The following PCDHA2 variants were observed in gnomAD, a reference collection of about 807,000 sequenced individuals.
The protein encoded by PCDHA2 is protocadherin alpha 2.
In PCDHA2, 58 loss-of-function variants were observed where a neutral mutation model predicts 66.0. The ratio of observed to expected loss-of-function variants is 0.88; its 90% CI spans 0.71 to 1.09. The LOEUF (loss-of-function observed/expected upper bound fraction) is 1.09. PCDHA2 is among the 50% of genes least tolerant of loss of function. The pLI is 0.00. For missense variants in PCDHA2, 1,267 were observed against 1,242.3 expected (o/e 1.02, Z -0.30); for synonymous variants, 634 against 554.0 (o/e 1.14, Z -2.03).
In PCDHA2 at chr5:140,843,032, G is replaced by A. The variant is rs2150350640; in HGVS notation, c.2388+45680G>A. The stretch of plus-strand genomic sequence containing the variant: ...GCCGGCACTGCTGGAGCCTCGGGTG[G>A]GTGGCACTGGTGGCGCAGCGAGCAA... On this transcript the variant is annotated intron_variant, in intron 1 of 3. Coordinates refer to ENST00000526136, the MANE Select transcript of PCDHA2 (RefSeq NM_018905.3). 13 of 1,595,002 alleles carry A rather than the reference G, an allele frequency of 8.2e-6. 1 individual carries two copies. In the South Asian group the frequency reaches 1.1e-4, roughly 14 times the overall value.
chr5:140,926,903 G>C (rs369906778), intron 1 of PCDHA2: 13 of 1,557,942 alleles, frequency 8.3e-6, no homozygotes, highest in African/African-American at 1.4e-5. Flanking sequence ...ATGGTGGGCT[G>C]TGGGGTGGCA....
chr5:140,874,469 G>C (rs2054929448), intron 1 of PCDHA2, among the ~76,000 whole-genome samples: 1 of 152,212 alleles, frequency 6.6e-6, no homozygotes, highest in Non-Finnish European at 1.5e-5. Flanking sequence ...GGAAGATTTA[G>C]AGAAAAAGCA....
intron 1 of PCDHA2, among the ~76,000 whole-genome samples, chr5:140,902,916 A>G (rs940228069): frequency 2.0e-5 from 3 of 152,174 alleles, no homozygotes; most frequent in African/African-American, 4.8e-5. Context: ...GCTGAGTAGT[A>G]TTGCATGGTG....
At chr5:140,871,062 C>CT in intron 1 of PCDHA2, 1 of 1,613,220 alleles carries the variant, frequency 6.2e-7, no homozygotes, top group South Asian at 1.1e-5. Context: ...TGAAGGATCA[C>CT]GGTGAGCCGG....
At chr5:140,987,585 A>G (rs575330361) in intron 3 of PCDHA2, among the ~76,000 whole-genome samples, 2 of 152,236 alleles carry the variant, frequency 1.3e-5, no homozygotes, top group East Asian at 3.8e-4. Flanking sequence ...AAATGGGGAG[A>G]ATAGTGGTGT....
rs112848471 is a variant in PCDHA2, at chr5:140,995,109, C to G, written c.2536+12546C>G. ...TATCTGTGGAGATACATTCCAAGAC[C>G]CTCAGTGGATGCCTGAAACCTCATT... On this transcript the variant is annotated intron_variant, in intron 3 of 3. Transcript: ENST00000526136. Among the ~76,000 whole-genome samples, 792 of 152,268 alleles carry G rather than the reference C, an allele frequency of 5.2e-3. 8 individuals are homozygous for G. Among genetic ancestry groups the G allele is most frequent in the African/African-American group, 0.019 (770 of 41,540 alleles).
chr5:140,978,233 AT>A (rs1360475808), intron 1 of PCDHA2, among the ~76,000 whole-genome samples: 2 of 152,196 alleles, frequency 1.3e-5, no homozygotes, highest in African/African-American at 4.8e-5. Context: ...TTTTTCTTGG[AT>A]TTCAGCTACT....
intron 1 of PCDHA2, chr5:140,881,383 G>C: frequency 1.0e-6 from 1 of 984,330 alleles, no homozygotes; most frequent in Non-Finnish European, 1.2e-6. Flanking sequence ...AGCCGGCGGC[G>C]GTAAGTTAAA....
intron 1 of PCDHA2, chr5:140,823,306 G>A (rs2150124482): frequency 9.9e-6 from 16 of 1,612,180 alleles, no homozygotes; most frequent in Admixed American, 1.7e-5. Flanking sequence ...TTCGGTGCAC[G>A]CGGAGAGCGG....
At chr5:140,806,153 A>G (rs1763692045) in intron 1 of PCDHA2, among the ~76,000 whole-genome samples, 1 of 152,224 alleles carries the variant, frequency 6.6e-6, no homozygotes, top group South Asian at 2.1e-4. Flanking sequence ...TTAAGTGGTT[A>G]TAAAATGGGG....
intron 3 of PCDHA2, among the ~76,000 whole-genome samples, chr5:141,003,476 C>G (rs555987176): frequency 1.3e-3 from 191 of 152,130 alleles, no homozygotes; most frequent in African/African-American, 4.3e-3. Context: ...CACAGTCTCG[C>G]TAATTTTTAT....
At chr5:140,854,785 T>A (rs998570267) in intron 1 of PCDHA2, 1 of 149,624 alleles carries the variant, frequency 6.7e-6, no homozygotes, top group Non-Finnish European at 1.5e-5. Flanking sequence ...TTTCAAGAAC[T>A]TTGAGAGAGA....
intron 1 of PCDHA2, among the ~76,000 whole-genome samples, chr5:140,840,839 T>C (rs1165670429): frequency 6.6e-6 from 1 of 152,038 alleles, no homozygotes; most frequent in Non-Finnish European, 1.5e-5. Context: ...TAAATATTAA[T>C]GCATTTCTTC....
intron 3 of PCDHA2, among the ~76,000 whole-genome samples, chr5:140,987,224 A>C (rs28567024): frequency 6.6e-6 from 1 of 151,930 alleles, no homozygotes; most frequent in South Asian, 2.1e-4. Context: ...AAAAAAAAAA[A>C]AAATAATAAA....
chr5:140,808,583 G>A, intron 1 of PCDHA2: 1 of 1,614,040 alleles, frequency 6.2e-7, no homozygotes, highest in Non-Finnish European at 8.5e-7. Flanking sequence ...GTTCGTGAAG[G>A]AGAACAACCC....
intron 1 of PCDHA2, chr5:140,842,295 A>T (rs2150333615): frequency 2.5e-6 from 4 of 1,610,380 alleles, no homozygotes; most frequent in Non-Finnish European, 3.4e-6. Flanking sequence ...GCCACGGACA[A>T]AGGCCATCCT....
At chr5:140,813,153 C>T (rs1267640659) in intron 1 of PCDHA2, 2 of 152,114 alleles carry the variant, frequency 1.3e-5, no homozygotes, top group Admixed American at 1.3e-4. Context: ...CTGTTAGTTC[C>T]ATTTCAGCTA....
chr5:140,804,877 G>C (rs1400050835), intron 1 of PCDHA2: 1 of 591,688 alleles, frequency 1.7e-6, no homozygotes, highest in African/African-American at 1.9e-5. Flanking sequence ...TATTTTTCTT[G>C]ACTCCTCTCC....
intron 1 of PCDHA2, chr5:140,842,613 G>C (rs782736515): frequency 1.9e-6 from 3 of 1,595,698 alleles, no homozygotes; most frequent in Non-Finnish European, 2.6e-6. Flanking sequence ...CGGGACGGGG[G>C]CTCGCCTTCG....
Sources: allele counts gnomAD v4.1 joint callset (sites outside exome capture counted in the v4.1 genomes callset), GRCh38; gene constraint gnomAD v4.1.1; transcripts MANE v1.5; gene names NCBI Gene and HGNC (gene_info 2026-07-23, HGNC 2026-07-21).